PSG8: variants seen among roughly 807,000 people sequenced by gnomAD.
PSG8 encodes pregnancy specific beta-1-glycoprotein 8, also known as pregnancy-specific beta-1-glycoprotein 8.
PSG8 carries 57 observed loss-of-function variants against 42.5 expected under a neutral mutation model. The observed-to-expected ratio is 1.34, with a 90% CI of 1.08 to 1.67. The LOEUF (loss-of-function observed/expected upper bound fraction) is 1.67. Among genes scored for constraint, PSG8 ranks in the 40% most tolerant of loss-of-function variants. The pLI is 0.00. For synonymous variants in PSG8, 280 were observed against 196.8 expected, an observed-to-expected ratio of 1.42 and a Z score of -3.54; for missense variants, 783 against 518.6, an observed-to-expected ratio of 1.51 and a Z score of -4.95.
chr19:42,763,482 C>T (rs926846042), intron 2 of PSG8, among the ~76,000 whole-genome samples: 7 of 152,188 alleles, frequency 4.6e-5, no homozygotes, highest in African/African-American at 1.7e-4. Flanking sequence ...CCAGCACAGG[C>T]TCCTCAGATT....
chr19:42,756,338 G>C (rs1007354849), intron 3 of PSG8, among the ~76,000 whole-genome samples: 1 of 152,124 alleles, frequency 6.6e-6, no homozygotes, highest in African/African-American at 2.4e-5. Flanking sequence ...GTTGTTCATG[G>C]GTGTGCAGTT....
In PSG8 at chr19:42,765,526, A is replaced by C. The variant is rs755427646; in HGVS notation, c.56T>G (p.Leu19Arg). ...CTQRITWKGL[L>R]LTASLLNFWN... is the part of the protein sequence containing the mutation. ...GGAGGTTCTCTCCTCACCTGTGAGC[A>C]GGAGCCCCTTCCAGGTGATGCGCTG... Residue 19 changes from leucine (L) to arginine (R), a missense_variant, in exon 1 of 5, where the codon CTG becomes CGG. Coordinates refer to ENST00000306511, the MANE Select transcript of PSG8 (RefSeq NM_182707.3). 7.4e-6 allele frequency: 12 copies of C among 1,610,872 alleles called. No individual in the cohort carries two copies. In the South Asian group the frequency reaches 1.1e-4, roughly 15 times the overall value.
At chr19:42,761,820 ATTTTTTTTTTTTTTTTTT>A (rs58868359) in intron 2 of PSG8, among the ~76,000 whole-genome samples, 4 of 70,426 alleles carry the variant, frequency 5.7e-5, no homozygotes, top group Non-Finnish European at 1.0e-4. Context: ...CATTTCAATA[ATTTTTTTTTTTTTTTTTT>A]TTTTTTTTTT....
intron 3 of PSG8, 52 bp from the exon 4 acceptor site, chr19:42,755,318 C>T: frequency 1.3e-6 from 2 of 1,589,572 alleles, no homozygotes; most frequent in Non-Finnish European, 1.7e-6. Flanking sequence ...TTGATTCCTC[C>T]ACAGGCATCC....
At chr19:42,758,626 C>T (rs914381404) in intron 2 of PSG8, 5 of 347,690 alleles carry the variant, frequency 1.4e-5, no homozygotes, top group South Asian at 4.6e-5. Flanking sequence ...TTGGAGCATG[C>T]AGTGCTGGAA....
chr19:42,758,348 T>G, intron 2 of PSG8, 68 bp from the exon 3 acceptor site: 1 of 1,568,510 alleles, frequency 6.4e-7, no homozygotes, highest in East Asian at 2.3e-5. Flanking sequence ...CATTTTTCAA[T>G]CAGAGTTGGC....
chr19:42,762,594 G>A (rs1481641339), intron 2 of PSG8, among the ~76,000 whole-genome samples: 3 of 152,038 alleles, frequency 2.0e-5, no homozygotes, highest in Non-Finnish European at 4.4e-5. Flanking sequence ...GCCTGTGCTG[G>A]TGTAGGGTGT....
Position 42,761,361 on chromosome 19 carries a change from A to G in PSG8, c.430+2555T>C, listed in dbSNP as rs148620782. ...CATGAGATTAAGGTTATAGGAGGGAACTGAATTCTGCTAAAATGTTGGCAC... is the reference window on the plus strand; with the variant it reads ...CATGAGATTAAGGTTATAGGAGGGAGCTGAATTCTGCTAAAATGTTGGCAC... On this transcript the variant is annotated intron_variant, in intron 2 of 4. Transcript: ENST00000306511. Among the ~76,000 whole-genome samples the G allele has an allele frequency of 9.8e-3, 1,489 of 152,308 alleles. 22 individuals carry two copies. Among genetic ancestry groups the G allele is most frequent in the African/African-American group, 0.034 (1,419 of 41,566 alleles).
chr19:42,762,438 C>T (rs1970101213), intron 2 of PSG8, among the ~76,000 whole-genome samples: 1 of 152,046 alleles, frequency 6.6e-6, no homozygotes, highest in Non-Finnish European at 1.5e-5. Context: ...GGGTGTCAGC[C>T]TCTGAAGGAC....
At chr19:42,762,802 C>T (rs555849723) in intron 2 of PSG8, among the ~76,000 whole-genome samples, 3 of 152,226 alleles carry the variant, frequency 2.0e-5, no homozygotes, top group African/African-American at 7.2e-5. Context: ...ACCATTTTCT[C>T]TCACTCCTCT....
chr19:42,765,442 C>A (rs570851369), intron 1 of PSG8, 76 bp downstream of exon 1: 1 of 1,589,140 alleles, frequency 6.3e-7, no homozygotes, highest in South Asian at 1.1e-5. Context: ...TTTTTAGTAC[C>A]CCATACTCTC....
chr19:42,762,958 G>A (rs912586701), intron 2 of PSG8, among the ~76,000 whole-genome samples: 3 of 152,106 alleles, frequency 2.0e-5, no homozygotes, highest in African/African-American at 7.2e-5. Context: ...TCCCCTTTGT[G>A]ATTGTGTGAC....
In PSG8 at chr19:42,754,287, G is replaced by T. The variant is rs766909436; in HGVS notation, c.*8C>A. On this transcript the variant is annotated 3_prime_UTR_variant, in exon 5 of 5. Coordinates refer to ENST00000306511, the MANE Select transcript of PSG8 (RefSeq NM_182707.3). ...CTGACTCTTCCCTGAAGGCCAGATA[G>T]ACTCCACCTAAATCCCTATTGCCAA... The T allele has an allele frequency of 1.2e-6, 2 of 1,612,256 alleles. No homozygotes were observed. The highest frequency in any genetic ancestry group is 1.1e-5 in the South Asian group (1 of 90,986).
chr19:42,762,218 T>C (rs1480236172), intron 2 of PSG8, among the ~76,000 whole-genome samples: 4 of 151,590 alleles, frequency 2.6e-5, no homozygotes, highest in Non-Finnish European at 5.9e-5. Flanking sequence ...GGGAGGAAGA[T>C]GAGGGACACA....
chr19:42,761,271 G>T (rs1476463952), intron 2 of PSG8, among the ~76,000 whole-genome samples: 63 of 152,166 alleles, frequency 4.1e-4, no homozygotes, highest in Admixed American at 4.1e-3. Flanking sequence ...AATGATAATA[G>T]TTCCTCCATA....
chr19:42,763,833 T>C, intron 2 of PSG8, 83 bp downstream of exon 2: 7 of 1,602,846 alleles, frequency 4.4e-6, no homozygotes, highest in South Asian at 1.1e-5. Context: ...ACACAGGCAA[T>C]GTCCAGGCCT....
At chr19:42,757,572 G>T (rs1969957983) in intron 3 of PSG8, among the ~76,000 whole-genome samples, 1 of 152,124 alleles carries the variant, frequency 6.6e-6, no homozygotes, top group African/African-American at 2.4e-5. Context: ...GTATGAGGAG[G>T]AAATGGTGGG....
chr19:42,765,299 C>A (rs550919063), intron 1 of PSG8, among the ~76,000 whole-genome samples: 1 of 152,040 alleles, frequency 6.6e-6, no homozygotes, highest in South Asian at 2.1e-4. Context: ...ATTAGAGGAG[C>A]ACACCACAAT....
chr19:42,763,594 A>T, intron 2 of PSG8: 1 of 434,208 alleles, frequency 2.3e-6, no homozygotes, highest in South Asian at 2.2e-5. Context: ...AGCCCTACTC[A>T]GTTCTCCAGG....
Sources: allele counts gnomAD v4.1 joint callset (sites outside exome capture counted in the v4.1 genomes callset), GRCh38; gene constraint gnomAD v4.1.1; transcripts MANE v1.5; gene names NCBI Gene and HGNC (gene_info 2026-07-23, HGNC 2026-07-21).